MEF2C: variants seen among roughly 807,000 people sequenced by gnomAD.
MEF2C encodes the protein myocyte enhancer factor 2C, also known as myocyte-specific enhancer factor 2C.
MEF2C carries 6 observed loss-of-function variants against 50.5 expected under a neutral mutation model. That is an observed-to-expected ratio of 0.12 (90% confidence interval 0.07 to 0.23). The LOEUF is 0.23. Among genes scored for constraint, MEF2C ranks in the 10% least tolerant of loss-of-function variants. MEF2C has a pLI of 1.00. For missense variants in MEF2C, 276 were observed against 605.0 expected (o/e 0.46, Z 5.70); for synonymous variants, 183 against 228.0 (o/e 0.80, Z 1.78).
chr5:88,791,440 CTAT>C (rs1423282638), intron 3 of MEF2C, among the ~76,000 whole-genome samples: 2 of 152,082 alleles, frequency 1.3e-5, no homozygotes, highest in Non-Finnish European at 2.9e-5. Flanking sequence ...TCTGCTTCTA[CTAT>C]TATTAAGTAA....
chr5:88,810,360 T>G (rs1802254739), intron 2 of MEF2C, among the ~76,000 whole-genome samples: 2 of 152,154 alleles, frequency 1.3e-5, no homozygotes, highest in Non-Finnish European at 2.9e-5. Flanking sequence ...TGCTGTAGAC[T>G]TCAAGAAAAA....
At chr5:88,744,778 A>G (rs1357663823) in intron 6 of MEF2C, among the ~76,000 whole-genome samples, 1 of 152,160 alleles carries the variant, frequency 6.6e-6, no homozygotes, top group Non-Finnish European at 1.5e-5. Flanking sequence ...CTTTGTCTTC[A>G]TCTTTGAAAG....
At chr5:88,733,993 T>C in intron 6 of MEF2C, 1 of 985,002 alleles carries the variant, frequency 1.0e-6, no homozygotes, top group South Asian at 4.7e-5. Flanking sequence ...CAAAAGCTGT[T>C]ACATAAAACA....
At chr5:88,731,962 A>G (rs1217483142) in intron 6 of MEF2C, 61 bp from the exon 7 acceptor site, 1 of 1,437,374 alleles carries the variant, frequency 7.0e-7, no homozygotes, top group African/African-American at 1.4e-5. Context: ...GTTTCCGAAG[A>G]ATACACAACA....
chr5:88,857,147 A>G (rs1164381179), intron 1 of MEF2C, among the ~76,000 whole-genome samples: 1 of 152,246 alleles, frequency 6.6e-6, no homozygotes, highest in African/African-American at 2.4e-5. Context: ...CCTTGATGTG[A>G]GACATAGAGT....
At chr5:88,843,455 C>A in intron 1 of MEF2C, 1 of 984,970 alleles carries the variant, frequency 1.0e-6, no homozygotes, top group Non-Finnish European at 1.2e-6. Flanking sequence ...ATGAGGCAGA[C>A]CAATTATTAG....
At chr5:88,874,436 G>T (rs1169601996) in intron 1 of MEF2C, among the ~76,000 whole-genome samples, 6 of 151,862 alleles carry the variant, frequency 4.0e-5, no homozygotes, top group Non-Finnish European at 7.4e-5. Context: ...ACAAATAAAT[G>T]TCAGAAAGTA....
chr5:88,894,881 G>T (rs577537415), intron 1 of MEF2C, among the ~76,000 whole-genome samples: 1 of 152,130 alleles, frequency 6.6e-6, no homozygotes, highest in Non-Finnish European at 1.5e-5. Context: ...GCAGCGGAGG[G>T]TAACTAGGAA....
intron 3 of MEF2C, among the ~76,000 whole-genome samples, chr5:88,782,346 G>C (rs1788513121): frequency 6.6e-6 from 1 of 151,386 alleles, no homozygotes; most frequent in African/African-American, 2.4e-5. Context: ...TGTGCCTGTG[G>C]TCCCAGCCAC....
chr5:88,854,205 G>A (rs1822420458), intron 1 of MEF2C, among the ~76,000 whole-genome samples: 1 of 152,098 alleles, frequency 6.6e-6, no homozygotes, highest in African/African-American at 2.4e-5. Flanking sequence ...ATATGTATTA[G>A]GATACAATAA....
At chr5:88,894,302 C>G (rs751624348) in intron 1 of MEF2C, among the ~76,000 whole-genome samples, 4 of 152,174 alleles carry the variant, frequency 2.6e-5, no homozygotes, top group South Asian at 2.1e-4. Flanking sequence ...AATACTCTAC[C>G]CTTAGCTATG....
intron 4 of MEF2C, among the ~76,000 whole-genome samples, chr5:88,756,157 T>G (rs150162062): frequency 7.2e-5 from 11 of 152,310 alleles, no homozygotes; most frequent in Admixed American, 7.2e-4. Context: ...CTATAATAAT[T>G]TTTTAAAATT....
At chr5:88,843,667 C>A (rs897570572) in intron 1 of MEF2C, among the ~76,000 whole-genome samples, 1 of 151,986 alleles carries the variant, frequency 6.6e-6, no homozygotes, top group Non-Finnish European at 1.5e-5. Context: ...ATATCTATGA[C>A]TTTCTCTAAT....
At chr5:88,897,879 C>T (rs1254559013) in intron 1 of MEF2C, among the ~76,000 whole-genome samples, 1 of 152,102 alleles carries the variant, frequency 6.6e-6, no homozygotes, top group African/African-American at 2.4e-5. Context: ...AACAGTCTAG[C>T]TCAAAGAACC....
At chr5:88,865,903 T>G (rs1019077537) in intron 1 of MEF2C, among the ~76,000 whole-genome samples, 2 of 151,946 alleles carry the variant, frequency 1.3e-5, no homozygotes, top group African/African-American at 4.8e-5. Flanking sequence ...TCTTTTTTTT[T>G]TTTTTCTTTT....
chr5:88,892,441 T>A lies in MEF2C; in HGVS notation c.-239-4843A>T, dbSNP rs1834694114. Among the ~76,000 whole-genome samples the A allele has an allele frequency of 3.3e-5, 5 of 152,206 alleles. No individual in the cohort carries two copies. The South Asian group carries it at 1.0e-3, about 31-fold the overall frequency. On this transcript the variant is annotated intron_variant, in intron 1 of 11. Coordinates refer to the MEF2C transcript ENST00000340208. ...GAAAAGTGACAAACTGCGGTAAAAA[T>A]TAGCCATTCTTAATCTAATGCAAAG...
chr5:88,738,827 A>G (rs1199285861), intron 6 of MEF2C: 2 of 985,134 alleles, frequency 2.0e-6, no homozygotes, highest in East Asian at 1.1e-4. Context: ...GAATTCTCAT[A>G]AAGAGGCACA....
intron 6 of MEF2C, chr5:88,743,810 T>C (rs1768016521): frequency 1.0e-6 from 1 of 985,044 alleles, no homozygotes; most frequent in African/African-American, 1.7e-5. Flanking sequence ...CAATGCTTGA[T>C]AACCAAATGC....
At position 88,729,452 on chromosome 5, in the gene MEF2C, C is replaced by T. The variant is rs987592906; in HGVS notation, c.835-105G>A. ...CATAAAGAGATAACTTGGTACAAAT[C>T]TCATGAAATTAATCATTTAACATGT... is the stretch of plus-strand genomic sequence containing the variant. On this transcript the variant is annotated intron_variant, in intron 8 of 10. Coordinates refer to ENST00000504921, the MANE Select transcript of MEF2C (RefSeq NM_002397.5). The T allele has an allele frequency of 1.1e-4, 111 of 1,044,604 alleles. No homozygotes were observed. In the African/African-American group the frequency reaches 1.6e-3, roughly 15 times the overall value. The allele number at this position is 1,044,604 out of a possible 1,614,324, so 64.7% of individuals were successfully genotyped here.
Sources: allele counts gnomAD v4.1 joint callset (sites outside exome capture counted in the v4.1 genomes callset), GRCh38; gene constraint gnomAD v4.1.1; transcripts MANE v1.5; gene names NCBI Gene and HGNC (gene_info 2026-07-23, HGNC 2026-07-21).